Variants in TEAD1 observed in about 807,000 individuals in gnomAD.
TEAD1 encodes TEA domain transcription factor 1.
Under a neutral mutation model 54.9 loss-of-function variants are expected in TEAD1, and 9 were observed. The ratio of observed to expected loss-of-function variants is 0.16; its 90% CI spans 0.10 to 0.29. TEAD1 has a LOEUF of 0.29. TEAD1 is among the 10% of genes least tolerant of loss of function. The pLI, the probability that TEAD1 is intolerant of heterozygous loss-of-function variation, is 1.00. For synonymous variants in TEAD1, 200 were observed against 187.8 expected (o/e 1.07, Z -0.53); for missense variants, 387 against 535.9 (o/e 0.72, Z 2.74).
At chr11:12,857,586 G>GTGTGTGTC (rs1272043641) in intron 3 of TEAD1, among the ~76,000 whole-genome samples, 16 of 151,020 alleles carry the variant, frequency 1.1e-4, no homozygotes, top group African/African-American at 3.9e-4. Context: ...CTCTGTGTGT[G>GTGTGTGTC]TGTGTGTGTG....
intron 2 of TEAD1, among the ~76,000 whole-genome samples, chr11:12,700,101 C>G (rs1315332829): frequency 6.6e-6 from 1 of 152,146 alleles, no homozygotes; most frequent in Non-Finnish European, 1.5e-5. Context: ...ATTAATTTTT[C>G]TTTTAATTAG....
At chr11:12,812,499 A>C (rs1156633531) in intron 3 of TEAD1, among the ~76,000 whole-genome samples, 11 of 152,178 alleles carry the variant, frequency 7.2e-5, no homozygotes, top group Non-Finnish European at 5.9e-5. Context: ...ATCTGTAATA[A>C]ATATTGTAGG....
At chr11:12,918,505 G>A (rs866195208) in intron 10 of TEAD1, among the ~76,000 whole-genome samples, 2 of 151,964 alleles carry the variant, frequency 1.3e-5, no homozygotes, top group African/African-American at 4.8e-5. Flanking sequence ...CTGTTAGTTG[G>A]GAAGCCTTTT....
chr11:12,794,863 C>G (rs1227550113), intron 3 of TEAD1, among the ~76,000 whole-genome samples: 1 of 152,246 alleles, frequency 6.6e-6, no homozygotes, highest in African/African-American at 2.4e-5. Context: ...ATGATAACTC[C>G]CTGGCGCTTA....
At chr11:12,775,508 A>G (rs951789571) in intron 3 of TEAD1, among the ~76,000 whole-genome samples, 7 of 152,084 alleles carry the variant, frequency 4.6e-5, no homozygotes, top group African/African-American at 7.2e-5. Context: ...TCTCTGATTT[A>G]TTATTGTTGT....
chr11:12,707,983 G>A (rs1284276618), intron 2 of TEAD1, among the ~76,000 whole-genome samples: 3 of 152,210 alleles, frequency 2.0e-5, no homozygotes, highest in African/African-American at 7.2e-5. Context: ...ATTGACTGGT[G>A]GCAGTGGTTT....
At position 12,832,239 on chromosome 11, in the gene TEAD1, C is replaced by G. The variant is rs909415740; in HGVS notation, c.203-30011C>G. 2.0e-5 allele frequency among the ~76,000 whole-genome samples: 3 copies of G among 152,016 alleles called. No individual in the cohort carries two copies. The East Asian group carries it at 5.8e-4, about 29-fold the overall frequency. On this transcript the variant is annotated intron_variant, in intron 3 of 12. Transcript: ENST00000527636. ...GGGGGCCTATGAAGGATTGTTTATCCCTAAATTGAAAGCAAGCAAACTAAC... is the reference window on the plus strand; with the variant it reads ...GGGGGCCTATGAAGGATTGTTTATCGCTAAATTGAAAGCAAGCAAACTAAC...
chr11:12,734,341 T>A lies in TEAD1; in HGVS notation c.-54-29838T>A, dbSNP rs533130745. ...ATGTTTGTGTTTTTAAGCTAAGTGT[T>A]ATTACAAATGAGTCAAAAGTTAAAA... On this transcript the variant is annotated intron_variant, in intron 2 of 12. Coordinates refer to ENST00000527636, the MANE Select transcript of TEAD1 (RefSeq NM_021961.6). Among the ~76,000 whole-genome samples, 11 of 152,364 alleles carry A rather than the reference T, an allele frequency of 7.2e-5. 2 individuals carry two copies. The South Asian group carries it at 2.3e-3, about 32-fold the overall frequency.
intron 10 of TEAD1, among the ~76,000 whole-genome samples, chr11:12,916,196 C>T (rs1948709586): frequency 6.6e-6 from 1 of 152,002 alleles, no homozygotes; most frequent in Admixed American, 6.6e-5. Context: ...TCTAATCATG[C>T]CTTTTGAGAA....
intron 3 of TEAD1, among the ~76,000 whole-genome samples, chr11:12,815,731 A>G (rs935773776): frequency 5.3e-5 from 8 of 152,182 alleles, no homozygotes; most frequent in African/African-American, 1.9e-4. Context: ...TGTGTTACTT[A>G]TGTGTTCTTC....
intron 2 of TEAD1, among the ~76,000 whole-genome samples, chr11:12,707,160 G>T (rs913430641): frequency 2.3e-5 from 3 of 130,470 alleles, no homozygotes; most frequent in Non-Finnish European, 4.7e-5. Context: ...GCCAGCAGAA[G>T]ACTTGTTTAC....
Position 12,854,374 on chromosome 11 carries a change from G to A in TEAD1, c.203-7876G>A, listed in dbSNP as rs142173492. Among the ~76,000 whole-genome samples, 8 of 152,190 alleles carry A rather than the reference G, an allele frequency of 5.3e-5. No homozygotes were observed. The East Asian group carries it at 1.5e-3, about 29-fold the overall frequency. ...TGAGCAAAACCCAGTTTATGCTCTG[G>A]GCTCCTGTGGACTTCTCTGTCTGGT... On this transcript the variant is annotated intron_variant, in intron 3 of 12. Coordinates refer to ENST00000527636, the MANE Select transcript of TEAD1 (RefSeq NM_021961.6).
intron 2 of TEAD1, among the ~76,000 whole-genome samples, chr11:12,705,352 C>G (rs1263702908): frequency 6.6e-6 from 1 of 152,154 alleles, no homozygotes; most frequent in Non-Finnish European, 1.5e-5. Flanking sequence ...ACCTCAAAAC[C>G]TGCGTGAAAA....
At chr11:12,675,021 C>G (rs1943046812) in intron 1 of TEAD1, among the ~76,000 whole-genome samples, 187 bp downstream of exon 1, 1 of 147,376 alleles carries the variant, frequency 6.8e-6, no homozygotes, top group Admixed American at 6.7e-5. Flanking sequence ...CCGAGGTGAG[C>G]GGCCGGGCGC....
chr11:12,906,434 G>C (rs1187978265), intron 10 of TEAD1, among the ~76,000 whole-genome samples: 1 of 151,676 alleles, frequency 6.6e-6, no homozygotes, highest in Non-Finnish European at 1.5e-5. Flanking sequence ...CCAGCTACTT[G>C]GGAGGCTGAG....
chr11:12,815,689 A>G (rs575502395), intron 3 of TEAD1, among the ~76,000 whole-genome samples: 161 of 152,312 alleles, frequency 1.1e-3, no homozygotes, highest in Admixed American at 2.3e-3. Flanking sequence ...TAGAAATTCA[A>G]CAGTTTTAAG....
chr11:12,923,492 C>T (rs888824317), intron 10 of TEAD1, among the ~76,000 whole-genome samples: 3 of 152,096 alleles, frequency 2.0e-5, no homozygotes, highest in Non-Finnish European at 4.4e-5. Context: ...GAGAGCAGGC[C>T]CTGGCTCAGC....
chr11:12,774,373 A>G (rs887734207), intron 3 of TEAD1, among the ~76,000 whole-genome samples: 1 of 152,178 alleles, frequency 6.6e-6, no homozygotes, highest in Admixed American at 6.5e-5. Flanking sequence ...ATTTTTAAAG[A>G]AGGTACCGAA....
At chr11:12,906,653 C>A (rs143854977) in intron 10 of TEAD1, among the ~76,000 whole-genome samples, 1 of 152,120 alleles carries the variant, frequency 6.6e-6, no homozygotes, top group African/African-American at 2.4e-5. Flanking sequence ...TCTGTCACCC[C>A]GCGAGGATCT....
Sources: gnomAD v4.1 joint callset for allele counts (sites outside exome capture counted in the v4.1 genomes callset) on GRCh38, gnomAD v4.1.1 for gene constraint, MANE v1.5 for transcripts, NCBI Gene and HGNC (gene_info 2026-07-23, HGNC 2026-07-21) for gene names.